Variants in NAALADL2 observed in about 807,000 individuals in gnomAD.
NAALADL2 encodes inactive N-acetylated-alpha-linked acidic dipeptidase-like protein 2.
In NAALADL2, 76 loss-of-function variants were observed where a neutral mutation model predicts 87.2. That is an observed-to-expected ratio of 0.87 (90% CI 0.72 to 1.05). NAALADL2 has a LOEUF of 1.05. NAALADL2 is among the 50% of genes least tolerant of loss of function. The pLI, the probability that NAALADL2 is intolerant of heterozygous loss-of-function variation, is 0.00. For missense variants in NAALADL2, 1,089 were observed against 945.8 expected (o/e 1.15, Z -1.99); for synonymous variants, 354 against 331.0 (o/e 1.07, Z -0.75).
At chr3:174,863,427 A>G (rs551097013) in intron 1 of NAALADL2, among the ~76,000 whole-genome samples, 1 of 152,228 alleles carries the variant, frequency 6.6e-6, no homozygotes, top group East Asian at 1.9e-4. Flanking sequence ...TTTACTAAAC[A>G]AAAGTTACAT....
Position 175,339,213 on chromosome 3 carries a change from G to A in NAALADL2, c.1090+14888G>A, listed in dbSNP as rs76883173. Among the ~76,000 whole-genome samples, 1,054 of 152,318 alleles carry A rather than the reference G, an allele frequency of 6.9e-3. 11 individuals are homozygous for A. Among genetic ancestry groups the A allele is most frequent in the African/African-American group, 0.024 (1,003 of 41,582 alleles). Reference sequence around the variant, plus strand: ...CAAACATTGTCTAGAATCACTAATCGAAAGATAGAGAGCCTGTGTGAAATA... The same window carrying A: ...CAAACATTGTCTAGAATCACTAATCAAAAGATAGAGAGCCTGTGTGAAATA... On this transcript the variant is annotated intron_variant, in intron 5 of 13. Coordinates refer to ENST00000454872, the MANE Select transcript of NAALADL2 (RefSeq NM_207015.3).
intron 2 of NAALADL2, among the ~76,000 whole-genome samples, chr3:174,593,067 T>G (rs1045538185): frequency 1.3e-5 from 2 of 152,158 alleles, no homozygotes; most frequent in Non-Finnish European, 2.9e-5. Flanking sequence ...TCAGACTCAC[T>G]GTAATCGAGG....
chr3:174,571,544 T>C lies in NAALADL2; in HGVS notation c.-115+20907T>C, dbSNP rs538108912. On this transcript the variant is annotated intron_variant, in intron 2 of 3. Transcript: ENST00000434257. ...ACAGGCATGTGCCACCACACCCGGC[T>C]AATTTTGTATTTTTAGTAGAGACGA... is the stretch of plus-strand genomic sequence containing the variant. Among the ~76,000 whole-genome samples, 7 of 152,136 alleles carry C rather than the reference T, an allele frequency of 4.6e-5. 1 individual carries two copies. Among genetic ancestry groups the C allele is most frequent in the Admixed American group, 1.3e-4 (2 of 15,262 alleles).
intron 5 of NAALADL2, among the ~76,000 whole-genome samples, chr3:175,439,198 G>A (rs572295304): frequency 2.5e-4 from 38 of 152,160 alleles, no homozygotes; most frequent in African/African-American, 9.2e-4. Flanking sequence ...TTTCATTGTT[G>A]AGTAGTATTC....
At chr3:174,960,375 C>T (rs1741800015) in intron 1 of NAALADL2, among the ~76,000 whole-genome samples, 3 of 151,938 alleles carry the variant, frequency 2.0e-5, no homozygotes, top group Admixed American at 2.0e-4. Flanking sequence ...TCCAGTTTTC[C>T]TGGTATTAAG....
chr3:175,530,124 C>T lies in NAALADL2; in HGVS notation c.1654-45917C>T, dbSNP rs531845773. ...TACCATGGCCACTTTGTTCATGGGCCCATCGGGCGATGACAGGGGTGGCTG... is the reference window on the plus strand; with the variant it reads ...TACCATGGCCACTTTGTTCATGGGCTCATCGGGCGATGACAGGGGTGGCTG... On this transcript the variant is annotated intron_variant, in intron 9 of 13. Coordinates refer to ENST00000454872, the MANE Select transcript of NAALADL2 (RefSeq NM_207015.3). Among the ~76,000 whole-genome samples the T allele has an allele frequency of 1.6e-4, 24 of 152,244 alleles. 1 individual carries two copies. The highest frequency in any genetic ancestry group is 5.3e-4 in the African/African-American group (22 of 41,540).
intron 1 of NAALADL2, among the ~76,000 whole-genome samples, chr3:174,871,971 G>T (rs1202954168): frequency 6.6e-6 from 1 of 152,072 alleles, no homozygotes; most frequent in African/African-American, 2.4e-5. Flanking sequence ...TACTCTTGAC[G>T]ATCTTTAATA....
chr3:174,531,615 G>A (rs1434480940), intron 1 of NAALADL2, among the ~76,000 whole-genome samples: 1 of 152,140 alleles, frequency 6.6e-6, no homozygotes, highest in African/African-American at 2.4e-5. Context: ...GGGAAATGAT[G>A]TTTATTATTT....
intron 2 of NAALADL2, among the ~76,000 whole-genome samples, chr3:175,141,198 C>A (rs1220899736): frequency 2.0e-5 from 3 of 152,096 alleles, no homozygotes; most frequent in Non-Finnish European, 4.4e-5. Flanking sequence ...CAGAAAGTCA[C>A]TTCCCTAATA....
chr3:175,343,152 T>A (rs1420074878), intron 5 of NAALADL2, among the ~76,000 whole-genome samples: 2 of 152,066 alleles, frequency 1.3e-5, no homozygotes, highest in African/African-American at 4.8e-5. Flanking sequence ...ATTTTTCTAT[T>A]GTGCACATTA....
At chr3:174,600,767 G>T (rs1243143175) in intron 2 of NAALADL2, among the ~76,000 whole-genome samples, 1 of 152,102 alleles carries the variant, frequency 6.6e-6, no homozygotes, top group African/African-American at 2.4e-5. Flanking sequence ...GGAAGAGAGA[G>T]TGATGGGGGA....
At chr3:175,730,847 A>G (rs1456856851) in intron 11 of NAALADL2, among the ~76,000 whole-genome samples, 1 of 152,156 alleles carries the variant, frequency 6.6e-6, no homozygotes, top group Non-Finnish European at 1.5e-5. Context: ...GTCTTGAGGT[A>G]CATGTGTGCT....
At chr3:175,111,377 A>C (rs1388667590) in intron 2 of NAALADL2, among the ~76,000 whole-genome samples, 2 of 151,640 alleles carry the variant, frequency 1.3e-5, no homozygotes, top group African/African-American at 4.8e-5. Flanking sequence ...TAGAGGTTAC[A>C]CAGAATGTTT....
intron 1 of NAALADL2, among the ~76,000 whole-genome samples, chr3:174,479,142 T>C (rs1717399853): frequency 6.6e-6 from 1 of 152,208 alleles, no homozygotes; most frequent in East Asian, 1.9e-4. Context: ...CATTTCGTCA[T>C]CTTATAGTCA....
At chr3:174,726,912 G>A (rs1208468418) in intron 2 of NAALADL2, among the ~76,000 whole-genome samples, 1 of 151,910 alleles carries the variant, frequency 6.6e-6, no homozygotes, top group Admixed American at 6.6e-5. Context: ...CTCCATGCTA[G>A]CCCCTTTCTG....
intron 1 of NAALADL2, among the ~76,000 whole-genome samples, chr3:174,886,743 T>C (rs1730200407): frequency 6.6e-6 from 1 of 152,202 alleles, no homozygotes; most frequent in South Asian, 2.1e-4. Flanking sequence ...TGCTATTAGG[T>C]GAAGTTGATA....
At chr3:175,368,381 A>G (rs1765951571) in intron 5 of NAALADL2, among the ~76,000 whole-genome samples, 1 of 152,160 alleles carries the variant, frequency 6.6e-6, no homozygotes, top group African/African-American at 2.4e-5. Context: ...AAAATGAGTT[A>G]GGGAGGTTTC....
chr3:175,474,779 A>C (rs1352339001), intron 9 of NAALADL2, among the ~76,000 whole-genome samples: 1 of 152,068 alleles, frequency 6.6e-6, no homozygotes, highest in Non-Finnish European at 1.5e-5. Context: ...AGTTAAAACC[A>C]AGTACTTTGA....
At chr3:175,270,067 G>T (rs894491974) in intron 4 of NAALADL2, among the ~76,000 whole-genome samples, 9 of 152,210 alleles carry the variant, frequency 5.9e-5, no homozygotes, top group African/African-American at 2.2e-4. Flanking sequence ...AATGTGGGGG[G>T]AAAAGCAGCC....
Sources: gnomAD v4.1 joint callset for allele counts (sites outside exome capture counted in the v4.1 genomes callset) on GRCh38, gnomAD v4.1.1 for gene constraint, MANE v1.5 for transcripts, NCBI Gene and HGNC (gene_info 2026-07-23, HGNC 2026-07-21) for gene names.